Variants in OR3A2 observed in about 807,000 individuals in gnomAD.
OR3A2 encodes the protein olfactory receptor family 3 subfamily A member 2.
For synonymous variants in OR3A2, 126 were observed against 159.3 expected (o/e 0.79, Z 1.57); for missense variants, 318 against 392.8 (o/e 0.81, Z 1.61).
At chr17:3,293,943 C>CT (rs2048898413) in intron 3 of OR3A2, among the ~76,000 whole-genome samples, 1 of 152,088 alleles carries the variant, frequency 6.6e-6, no homozygotes. Context: ...ACAACACACA[C>CT]TGGGGCCTGT....
chr17:3,304,740 G>A (rs990233583), intron 3 of OR3A2, among the ~76,000 whole-genome samples: 5 of 152,050 alleles, frequency 3.3e-5, no homozygotes, highest in East Asian at 1.9e-4. Flanking sequence ...AAAAGCCTGC[G>A]GTCCATATGA....
At chr17:3,350,587 C>T (rs372228612) in intron 2 of OR3A2, among the ~76,000 whole-genome samples, 11 of 150,284 alleles carry the variant, frequency 7.3e-5, no homozygotes, top group African/African-American at 1.9e-4. Flanking sequence ...GATTCACAGC[C>T]GAATTCTACC....
chr17:3,326,892 T>C (rs1429893848), intron 3 of OR3A2, among the ~76,000 whole-genome samples: 1 of 130,380 alleles, frequency 7.7e-6, no homozygotes, highest in Non-Finnish European at 1.6e-5. Flanking sequence ...CTCATCATTT[T>C]TTATGGCTGC....
exon 2 of OR3A2, chr17:3,277,888 G>T: frequency 7.0e-7 from 1 of 1,426,378 alleles, no homozygotes; most frequent in Non-Finnish European, 9.5e-7. Flanking sequence ...AATAGTTGTG[G>T]CTGAATTTTT....
chr17:3,320,092 T>C (rs1284441286), intron 3 of OR3A2, among the ~76,000 whole-genome samples: 1 of 152,266 alleles, frequency 6.6e-6, no homozygotes, highest in East Asian at 1.9e-4. Context: ...AGATGGTATC[T>C]CACTGTGGTT....
intron 2 of OR3A2, among the ~76,000 whole-genome samples, chr17:3,373,964 C>A (rs1184434289): frequency 6.6e-6 from 1 of 152,280 alleles, no homozygotes; most frequent in East Asian, 1.9e-4. Flanking sequence ...ATCCAGAACT[C>A]CTTTTAGCAT....
At chr17:3,292,865 G>A (rs2048888601) in intron 3 of OR3A2, among the ~76,000 whole-genome samples, 1 of 152,078 alleles carries the variant, frequency 6.6e-6, no homozygotes, top group Non-Finnish European at 1.5e-5. Flanking sequence ...TATTTGTAAA[G>A]ATTATGAAAG....
chr17:3,346,678 C>T (rs576450110), intron 2 of OR3A2, among the ~76,000 whole-genome samples: 1 of 151,936 alleles, frequency 6.6e-6, no homozygotes, highest in South Asian at 2.1e-4. Context: ...TCCATCCGCA[C>T]CTCTCCATCT....
chr17:3,289,176 A>G (rs2048841705), upstream of OR3A2, among the ~76,000 whole-genome samples: 2 of 152,190 alleles, frequency 1.3e-5, no homozygotes, highest in Admixed American at 6.5e-5. Flanking sequence ...ACTTTTAAAG[A>G]TAAGATTACT....
At chr17:3,342,425 T>A (rs747528246) in intron 2 of OR3A2, among the ~76,000 whole-genome samples, 10 of 152,238 alleles carry the variant, frequency 6.6e-5, no homozygotes, top group Non-Finnish European at 1.2e-4. Context: ...TGGTCTTTGA[T>A]GATGGTGACC....
chr17:3,374,576 G>A (rs1344063661), intron 2 of OR3A2, among the ~76,000 whole-genome samples: 3 of 152,044 alleles, frequency 2.0e-5, no homozygotes, highest in Non-Finnish European at 2.9e-5. Context: ...TGATTCTATT[G>A]TTGAAACTTC....
At chr17:3,331,023 G>T (rs1331993673) in intron 3 of OR3A2, among the ~76,000 whole-genome samples, 1 of 152,144 alleles carries the variant, frequency 6.6e-6, no homozygotes. Context: ...TTTTCTTTAA[G>T]AATGTTGACT....
intron 3 of OR3A2, among the ~76,000 whole-genome samples, chr17:3,322,593 A>G (rs902332991): frequency 6.6e-6 from 1 of 152,220 alleles, no homozygotes; most frequent in Non-Finnish European, 1.5e-5. Flanking sequence ...ATTGGTTTCA[A>G]AGAACATCTT....
At chr17:3,278,994 A>G (rs1029889271) in intron 1 of OR3A2, 71 bp from the exon 5 acceptor site, 3 of 1,562,890 alleles carry the variant, frequency 1.9e-6, no homozygotes, top group South Asian at 1.2e-5. Flanking sequence ...AATATTTTAA[A>G]CCATTTATGT....
chr17:3,338,634 T>C (rs979444140), intron 2 of OR3A2, among the ~76,000 whole-genome samples: 2 of 152,108 alleles, frequency 1.3e-5, no homozygotes, highest in African/African-American at 4.8e-5. Context: ...GTCCATATCT[T>C]TGTTTTGGTA....
chr17:3,326,495 C>T (rs1335324324), intron 3 of OR3A2, among the ~76,000 whole-genome samples: 2 of 151,878 alleles, frequency 1.3e-5, no homozygotes, highest in Non-Finnish European at 2.9e-5. Flanking sequence ...TTAATATGGA[C>T]ATTTATCAGT....
chr17:3,372,037 GCC>G, intron 2 of OR3A2, among the ~76,000 whole-genome samples: 5 of 136,880 alleles, frequency 3.7e-5, no homozygotes, highest in African/African-American at 1.5e-4. Context: ...CGGGGCGGCT[GCC>G]GGGCGGAGGG....
At chr17:3,378,882 G>A (rs545845952) in intron 2 of OR3A2, among the ~76,000 whole-genome samples, 8 of 152,172 alleles carry the variant, frequency 5.3e-5, no homozygotes, top group South Asian at 2.1e-4. Flanking sequence ...TCTTCTCCCC[G>A]CAACCTGTTA....
intron 2 of OR3A2, among the ~76,000 whole-genome samples, chr17:3,358,274 C>A (rs773387425): frequency 3.3e-5 from 5 of 151,538 alleles, no homozygotes; most frequent in African/African-American, 4.9e-5. Flanking sequence ...TCTTGATTTC[C>A]CCTCAGTTCA....
Sources: allele counts gnomAD v4.1 joint callset (sites outside exome capture counted in the v4.1 genomes callset), GRCh38; gene constraint gnomAD v4.1.1; transcripts MANE v1.5; gene names NCBI Gene and HGNC (gene_info 2026-07-23, HGNC 2026-07-21).